Variants in DLGAP2 observed in about 807,000 individuals in gnomAD.
DLGAP2 encodes DLG associated protein 2, also known as disks large-associated protein 2.
Under a neutral mutation model 100.3 loss-of-function variants are expected in DLGAP2, and 26 were observed. The observed-to-expected ratio is 0.26, with a 90% confidence interval of 0.19 to 0.36. The LOEUF (loss-of-function observed/expected upper bound fraction) is 0.36, where lower values mean the gene tolerates loss of function less well. Ranked by LOEUF, DLGAP2 falls within the 10% of genes least tolerant of loss-of-function variation. The pLI is 1.00. For missense variants in DLGAP2, 1,858 were observed against 1,453.2 expected, an observed-to-expected ratio of 1.28 and a Z score of -4.53; for synonymous variants, 886 against 630.1, an observed-to-expected ratio of 1.41 and a Z score of -6.08.
chr8:865,838 C>A (rs1284853457), intron 1 of DLGAP2, among the ~76,000 whole-genome samples: 1 of 152,138 alleles, frequency 6.6e-6, no homozygotes, highest in East Asian at 1.9e-4. Flanking sequence ...TGAGCTTGCC[C>A]CCTCAGAGAG....
chr8:1,276,568 C>T (rs1799702106), intron 3 of DLGAP2, among the ~76,000 whole-genome samples: 2 of 151,970 alleles, frequency 1.3e-5, no homozygotes, highest in Non-Finnish European at 2.9e-5. Context: ...ATAGTTTTCA[C>T]ATTAAGTGCG....
At chr8:1,227,724 A>G (rs1798451311) in intron 2 of DLGAP2, among the ~76,000 whole-genome samples, 1 of 152,208 alleles carries the variant, frequency 6.6e-6, no homozygotes, top group Admixed American at 6.5e-5. Context: ...ATATAAAGAG[A>G]TAAAACTAGT....
intron 3 of DLGAP2, among the ~76,000 whole-genome samples, chr8:1,470,808 TCCCGAC>T (rs1798765872): frequency 1.3e-5 from 1 of 78,060 alleles, no homozygotes; most frequent in African/African-American, 4.5e-5. Flanking sequence ...CTCCAGCCTT[TCCCGAC>T]CCCTCCAGCC....
chr8:1,647,079 G>A (rs994147339), intron 8 of DLGAP2, among the ~76,000 whole-genome samples: 2 of 152,188 alleles, frequency 1.3e-5, no homozygotes, highest in African/African-American at 2.4e-5. Context: ...ACCATTGAAG[G>A]CCTGTGGACT....
At chr8:1,656,171 A>T (rs193193817) in intron 8 of DLGAP2, among the ~76,000 whole-genome samples, 3 of 152,260 alleles carry the variant, frequency 2.0e-5, no homozygotes, top group East Asian at 1.9e-4. Flanking sequence ...TAAAAATATA[A>T]AATTAGCCAG....
At chr8:1,011,463 T>TG (rs1188426281) in intron 2 of DLGAP2, among the ~76,000 whole-genome samples, 1 of 141,862 alleles carries the variant, frequency 7.0e-6, no homozygotes, top group Admixed American at 7.0e-5. Flanking sequence ...AGCCCTGGAA[T>TG]GGGGGGTCTC....
At chr8:1,701,082 G>T in intron 14 of DLGAP2, 106 bp from the exon 15 acceptor site, 2 of 1,031,998 alleles carry the variant, frequency 1.9e-6, no homozygotes, top group Middle Eastern at 3.1e-4. Flanking sequence ...CGGCCCTGGG[G>T]GCTGCGGTCG....
At chr8:1,442,168 AG>A (rs1298906837) in intron 3 of DLGAP2, among the ~76,000 whole-genome samples, 1 of 103,038 alleles carries the variant, frequency 9.7e-6, no homozygotes, top group Non-Finnish European at 2.4e-5. Flanking sequence ...CCACTGGAGG[AG>A]GAGATGGATC....
chr8:1,450,788 G>A (rs1007413590), intron 3 of DLGAP2, among the ~76,000 whole-genome samples: 1 of 152,066 alleles, frequency 6.6e-6, no homozygotes, highest in African/African-American at 2.4e-5. Context: ...CCCAAGCCTG[G>A]GAGACAGAAA....
intron 2 of DLGAP2, among the ~76,000 whole-genome samples, chr8:1,218,789 T>G (rs961753843): frequency 1.3e-5 from 2 of 152,210 alleles, no homozygotes; most frequent in East Asian, 3.8e-4. Context: ...TTGACTTGTT[T>G]CATCTCTAAT....
chr8:1,597,744 C>T (rs1231151377), intron 6 of DLGAP2, among the ~76,000 whole-genome samples: 1 of 152,196 alleles, frequency 6.6e-6, no homozygotes, highest in Non-Finnish European at 1.5e-5. Flanking sequence ...GCTAAAGTTG[C>T]TTATCGGCTT....
intron 3 of DLGAP2, among the ~76,000 whole-genome samples, chr8:1,351,760 T>C (rs368861908): frequency 1.5e-5 from 1 of 65,048 alleles, no homozygotes; most frequent in Non-Finnish European, 3.1e-5. Flanking sequence ...CCTGACTATG[T>C]GTGGAAAGGC....
intron 2 of DLGAP2, among the ~76,000 whole-genome samples, chr8:1,225,102 G>A (rs1171898044): frequency 6.6e-6 from 1 of 152,210 alleles, no homozygotes; most frequent in Non-Finnish European, 1.5e-5. Flanking sequence ...AAAAGAGCTG[G>A]AAATAGGTGC....
chr8:1,301,550 C>T (rs1450947930), intron 3 of DLGAP2: 1 of 152,022 alleles, frequency 6.6e-6, no homozygotes, highest in Admixed American at 6.6e-5. Context: ...CACTCTTTTT[C>T]TTGCTGTCAC....
At chr8:1,429,639 T>C (rs1584891749) in intron 3 of DLGAP2, among the ~76,000 whole-genome samples, 1 of 151,852 alleles carries the variant, frequency 6.6e-6, no homozygotes, top group East Asian at 1.9e-4. Flanking sequence ...GGGAGAAATA[T>C]GTTCCACTGC....
intron 12 of DLGAP2, among the ~76,000 whole-genome samples, chr8:1,679,935 G>A (rs746368810): frequency 7.3e-5 from 10 of 136,138 alleles, no homozygotes; most frequent in South Asian, 2.4e-4. Flanking sequence ...AGTCAAGATC[G>A]TGCCATTGCA....
At chr8:1,082,169 G>A (rs912839310) in intron 2 of DLGAP2, among the ~76,000 whole-genome samples, 3 of 152,150 alleles carry the variant, frequency 2.0e-5, no homozygotes, top group Non-Finnish European at 4.4e-5. Context: ...GAACATCTCT[G>A]TCTGTCTGGA....
intron 3 of DLGAP2, among the ~76,000 whole-genome samples, chr8:1,411,766 C>T (rs892458426): frequency 5.9e-5 from 9 of 152,268 alleles, no homozygotes; most frequent in Middle Eastern, 6.8e-3. Flanking sequence ...GTGAACTTTC[C>T]AGAACTTGAA....
chr8:1,393,106 C>T (rs1314185802), intron 3 of DLGAP2, among the ~76,000 whole-genome samples: 7 of 23,970 alleles, frequency 2.9e-4, no homozygotes, highest in Non-Finnish European at 8.3e-5. Context: ...CTGAGCGCCA[C>T]CTCCTCGTCC....
Sources: gnomAD v4.1 joint callset for allele counts (sites outside exome capture counted in the v4.1 genomes callset) on GRCh38, gnomAD v4.1.1 for gene constraint, MANE v1.5 for transcripts, NCBI Gene and HGNC (gene_info 2026-07-23, HGNC 2026-07-21) for gene names.